Variants in TMEM117 observed in about 807,000 individuals in gnomAD.
TMEM117 encodes the protein transmembrane protein 117.
Under a neutral mutation model 52.4 loss-of-function variants are expected in TMEM117, and 27 were observed. That is an observed-to-expected ratio of 0.51 (90% CI 0.38 to 0.71). TMEM117 has a LOEUF of 0.71. Among genes scored for constraint, TMEM117 ranks in the 30% least tolerant of loss-of-function variants. TMEM117 has a pLI of 0.00. For missense variants in TMEM117, 556 were observed against 630.5 expected (o/e 0.88, Z 1.26); for synonymous variants, 215 against 206.3 (o/e 1.04, Z -0.36).
chr12:44,010,370 C>T (rs1016528917), intron 3 of TMEM117: 16 of 377,334 alleles, frequency 4.2e-5, no homozygotes, highest in Admixed American at 6.1e-5. Context: ...TCTGTTCCTG[C>T]GCCACATGGG....
intron 2 of TMEM117, among the ~76,000 whole-genome samples, chr12:43,915,876 C>A (rs993007641): frequency 1.3e-5 from 2 of 151,986 alleles, no homozygotes; most frequent in Admixed American, 1.3e-4. Flanking sequence ...GAGGCTATGA[C>A]CACATTTCAC....
At chr12:43,936,875 G>C (rs879862795) in intron 2 of TMEM117, among the ~76,000 whole-genome samples, 1 of 152,150 alleles carries the variant, frequency 6.6e-6, no homozygotes, top group Non-Finnish European at 1.5e-5. Flanking sequence ...ACTCTTTCTT[G>C]AAGTCTAGAT....
At chr12:44,071,780 A>T (rs1382017858) in intron 3 of TMEM117, among the ~76,000 whole-genome samples, 2 of 152,096 alleles carry the variant, frequency 1.3e-5, no homozygotes, top group African/African-American at 4.8e-5. Flanking sequence ...TATAAATGGC[A>T]TGTGTTGTGG....
intron 2 of TMEM117, among the ~76,000 whole-genome samples, chr12:43,901,362 G>T (rs1291090301): frequency 6.6e-6 from 1 of 152,084 alleles, no homozygotes; most frequent in East Asian, 1.9e-4. Flanking sequence ...CCAGGCTGGA[G>T]TGCAGTAGCG....
At chr12:44,094,652 C>G (rs1003784777) in intron 3 of TMEM117, among the ~76,000 whole-genome samples, 1 of 152,064 alleles carries the variant, frequency 6.6e-6, no homozygotes, top group Non-Finnish European at 1.5e-5. Context: ...TTTAATTCTT[C>G]CCATTTCTAG....
intron 3 of TMEM117, among the ~76,000 whole-genome samples, chr12:44,051,667 A>T (rs1946974689): frequency 6.6e-6 from 1 of 152,204 alleles, no homozygotes; most frequent in Non-Finnish European, 1.5e-5. Context: ...AGAAATTGAG[A>T]TGCATAAAAT....
At chr12:44,273,812 G>A (rs1163342217) in intron 5 of TMEM117, among the ~76,000 whole-genome samples, 1 of 151,828 alleles carries the variant, frequency 6.6e-6, no homozygotes, top group African/African-American at 2.4e-5. Context: ...GGTATAGAAG[G>A]AACACACCTC....
At chr12:43,863,153 C>A (rs1943519664) in intron 2 of TMEM117, among the ~76,000 whole-genome samples, 1 of 151,488 alleles carries the variant, frequency 6.6e-6, no homozygotes, top group Non-Finnish European at 1.5e-5. Flanking sequence ...GCCTGAGGCA[C>A]AAGAATTGCT....
chr12:43,835,723 C>T (rs923417309), upstream of TMEM117, among the ~76,000 whole-genome samples: 1 of 152,166 alleles, frequency 6.6e-6, no homozygotes, highest in African/African-American at 2.4e-5. Context: ...CCCCAACCCC[C>T]ACCAGGTTCC....
At chr12:44,184,859 C>G (rs1388803044) in intron 4 of TMEM117, among the ~76,000 whole-genome samples, 2 of 152,246 alleles carry the variant, frequency 1.3e-5, no homozygotes, top group African/African-American at 2.4e-5. Context: ...TAATTTGTTC[C>G]AGGAACAATA....
chr12:44,166,255 C>G lies in TMEM117; in HGVS notation c.510+22631C>G, dbSNP rs1483589094. Among the ~76,000 whole-genome samples the G allele has an allele frequency of 5.3e-5, 8 of 152,270 alleles. No individual in the cohort carries two copies. The East Asian group carries it at 1.5e-3, about 29-fold the overall frequency. On this transcript the variant is annotated intron_variant, in intron 4 of 7. Coordinates refer to ENST00000266534, the MANE Select transcript of TMEM117 (RefSeq NM_032256.3). Reference sequence around the variant, plus strand: ...GATGGAAGTTTGCAGCAATAAATACCTACGTCAAAAAAGTATAAAGATTTC... The same window carrying G: ...GATGGAAGTTTGCAGCAATAAATACGTACGTCAAAAAAGTATAAAGATTTC...
chr12:43,873,158 C>G (rs1344164041), intron 2 of TMEM117, among the ~76,000 whole-genome samples: 1 of 152,166 alleles, frequency 6.6e-6, no homozygotes, highest in African/African-American at 2.4e-5. Context: ...AAAACTGCTT[C>G]TAATTAAAAC....
At chr12:44,188,412 G>C (rs748992863) in intron 4 of TMEM117, among the ~76,000 whole-genome samples, 7 of 152,218 alleles carry the variant, frequency 4.6e-5, no homozygotes, top group South Asian at 4.1e-4. Flanking sequence ...CAGGATCTGA[G>C]AGTATTGGAA....
intron 2 of TMEM117, among the ~76,000 whole-genome samples, chr12:43,925,154 T>G (rs1396625206): frequency 2.0e-5 from 3 of 152,110 alleles, no homozygotes; most frequent in African/African-American, 7.2e-5. Flanking sequence ...TTTCACAACC[T>G]ACCCTTGGAA....
intron 4 of TMEM117, among the ~76,000 whole-genome samples, chr12:44,181,675 G>A (rs903551326): frequency 1.9e-4 from 29 of 151,834 alleles, no homozygotes; most frequent in Non-Finnish European, 2.8e-4. Flanking sequence ...GATATGTGGC[G>A]TTATTTCTGA....
downstream of TMEM117, among the ~76,000 whole-genome samples, chr12:44,392,871 A>G (rs1952167665): frequency 2.6e-5 from 4 of 152,264 alleles, no homozygotes; most frequent in South Asian, 8.3e-4. Context: ...AAACTACAGT[A>G]GGCAACATGA....
At chr12:44,229,693 A>G (rs1023856225) in intron 5 of TMEM117, among the ~76,000 whole-genome samples, 1 of 152,126 alleles carries the variant, frequency 6.6e-6, no homozygotes, top group Non-Finnish European at 1.5e-5. Context: ...TAGAGACAAT[A>G]GATATGCTTG....
chr12:44,129,161 G>A (rs556210972), intron 3 of TMEM117, among the ~76,000 whole-genome samples: 4 of 152,290 alleles, frequency 2.6e-5, no homozygotes, highest in Admixed American at 6.5e-5. Context: ...GGGCCACAGC[G>A]CTGTTTCTAA....
At chr12:44,062,260 A>C (rs546167901) in intron 3 of TMEM117, among the ~76,000 whole-genome samples, 1 of 152,346 alleles carries the variant, frequency 6.6e-6, no homozygotes, top group South Asian at 2.1e-4. Context: ...AAGTAAATAA[A>C]GTTGAAGGAT....
Sources: allele counts gnomAD v4.1 joint callset (sites outside exome capture counted in the v4.1 genomes callset), GRCh38; gene constraint gnomAD v4.1.1; transcripts MANE v1.5; gene names NCBI Gene and HGNC (gene_info 2026-07-23, HGNC 2026-07-21).